Variants in VPS4A observed in about 807,000 individuals in gnomAD.
VPS4A encodes the protein vacuolar protein sorting 4 homolog A.
VPS4A carries 20 observed loss-of-function variants against 52.3 expected under a neutral mutation model. The observed-to-expected ratio is 0.38, with a 90% CI of 0.27 to 0.56. The LOEUF (loss-of-function observed/expected upper bound fraction) is 0.56. Among genes scored for constraint, VPS4A ranks in the 20% least tolerant of loss-of-function variants. The pLI is 0.72. For synonymous variants in VPS4A, 293 were observed against 227.7 expected (o/e 1.29, Z -2.58); for missense variants, 419 against 575.9 (o/e 0.73, Z 2.79).
At chr16:69,314,202 G>A (rs575340652) in intron 1 of VPS4A, among the ~76,000 whole-genome samples, 4 of 151,906 alleles carry the variant, frequency 2.6e-5, no homozygotes, top group East Asian at 3.9e-4. Context: ...CCTGACCTCC[G>A]GTGATCCGCC....
intron 3 of VPS4A, 88 bp downstream of exon 3, chr16:69,316,460 T>C (rs1201510399): frequency 6.5e-7 from 1 of 1,540,522 alleles, no homozygotes; most frequent in Non-Finnish European, 8.8e-7. Flanking sequence ...TGGACTTCCC[T>C]GTGGGAATGG....
rs1307739542 is a variant in VPS4A at position 69,322,630 on chromosome 16, A to G, written c.1142A>G (p.Asp381Gly). ...CTCCTGACTCCATGCTCACCAGGGG[A>G]CCCAGGAGCCATGGAGATGACTTGG... ...DDLLTPCSPG[D>G]PGAMEMTWMD... is the part of the protein sequence containing the mutation. The change falls in exon 10 of 11, where the codon GAC (aspartate) becomes GGC (glycine). Residue 381 changes from aspartate to glycine, a missense_variant. By Grantham distance (94) the Asp-to-Gly change is moderately conservative (BLOSUM62 -1). This residue lies in a region of VPS4A where 185 missense variants were observed against 200.2 expected (regional missense o/e 0.92). Coordinates refer to ENST00000254950, the MANE Select transcript of VPS4A (RefSeq NM_013245.3). The G allele has an allele frequency of 6.2e-7, 1 of 1,613,732 alleles. No individual in the cohort carries two copies. Among genetic ancestry groups the G allele is most frequent in the Non-Finnish European group, 8.5e-7 (1 of 1,179,858 alleles).
intron 10 of VPS4A, chr16:69,323,672 G>A (rs921444775): frequency 1.5e-4 from 67 of 455,590 alleles, no homozygotes; most frequent in Non-Finnish European, 2.6e-4. Context: ...GCTCCTGGCC[G>A]GGCGCCGTGG....
rs142967440 is a variant in VPS4A at position 69,323,565 on chromosome 16, A to G, written c.1213-643A>G. 2.0e-3 allele frequency: 910 copies of G among 448,558 alleles called. 5 individuals carry two copies. The highest frequency in any genetic ancestry group is 0.017 in the African/African-American group (868 of 49,892). 27.8% of individuals were successfully genotyped at this position (448,558 alleles called of 1,614,324 possible). A position where few individuals can be genotyped will look rare whatever the true frequency, so the allele number is the denominator to read the frequency against. Reference sequence around the variant, plus strand: ...AGTGAATGTGTCAAGACTGTGACGCAGTTGCAAAGGCAGCGCCTCACCTGC... The same window carrying G: ...AGTGAATGTGTCAAGACTGTGACGCGGTTGCAAAGGCAGCGCCTCACCTGC... On this transcript the variant is annotated intron_variant, in intron 10 of 10. Transcript: ENST00000254950.
At chr16:69,323,685 C>T (rs1160471849) in intron 10 of VPS4A, 4 of 455,322 alleles carry the variant, frequency 8.8e-6, no homozygotes, top group Non-Finnish European at 1.8e-5. Flanking sequence ...CGCCGTGGCT[C>T]CCGCCTGTAA....
chr16:69,325,511 G>A lies in VPS4A; in HGVS notation c.*1202G>A, dbSNP rs901817759. 2.6e-5 allele frequency: 4 copies of A among 151,666 alleles called. No individual in the cohort carries two copies. Among genetic ancestry groups the A allele is most frequent in the Admixed American group, 6.6e-5 (1 of 15,186 alleles). 9.4% of individuals were successfully genotyped at this position (151,666 alleles called of 1,614,324 possible). On this transcript the variant is annotated 3_prime_UTR_variant, in exon 11 of 11. Transcript: ENST00000254950. Reference sequence around the variant, plus strand: ...AGCACTTTGGGAGGCCGACGCGGGCGGATCACAAGGTCAGGAAATCGAGAA... The same window carrying A: ...AGCACTTTGGGAGGCCGACGCGGGCAGATCACAAGGTCAGGAAATCGAGAA...
chr16:69,313,110 C>A (rs1965397276), intron 1 of VPS4A, among the ~76,000 whole-genome samples: 1 of 151,906 alleles, frequency 6.6e-6, no homozygotes, highest in South Asian at 2.1e-4. Flanking sequence ...TCCCAAGTAG[C>A]TGGGATTACA....
chr16:69,317,897 A>G (rs28575228), intron 3 of VPS4A, among the ~76,000 whole-genome samples: 39,514 of 142,706 alleles, frequency 0.28, 5,639 homozygotes, highest in African/African-American at 0.36. Context: ...GGAGGCGGAG[A>G]TTGCAGTGAG....
chr16:69,320,940 C>A lies in VPS4A; in HGVS notation c.852-111C>A. On this transcript the variant is annotated intron_variant, in intron 8 of 10. Transcript: ENST00000254950. This position sits in a 1 kb window ranked among gnomAD's most constrained non-coding sequence, Gnocchi z 4.2. ...TGGCTTGTTGAGGATGTGCCGCCAG[C>A]ATCACTGGCCCATGAAATGCGTCCG... The A allele has an allele frequency of 8.0e-7, 1 of 1,253,030 alleles. No homozygotes were observed. The highest frequency in any genetic ancestry group is 1.1e-6 in the Non-Finnish European group (1 of 888,336). The allele number at this position is 1,253,030 out of a possible 1,614,324, so 77.6% of individuals were successfully genotyped here. A position where few individuals can be genotyped will look rare whatever the true frequency, so the allele number is the denominator to read the frequency against.
intron 5 of VPS4A, 98 bp downstream of exon 5, chr16:69,319,040 C>T (rs1045134614): frequency 1.1e-5 from 17 of 1,527,842 alleles, no homozygotes; most frequent in East Asian, 6.8e-5. Context: ...ACTCAGCCCC[C>T]GGGGCCTGCA....
chr16:69,314,890 T>C (rs760865716), intron 1 of VPS4A, among the ~76,000 whole-genome samples: 1 of 152,118 alleles, frequency 6.6e-6, no homozygotes, highest in African/African-American at 2.4e-5. Flanking sequence ...TCATGCTTCG[T>C]GCAGGCGTTG....
At chr16:69,315,924 G>T in intron 1 of VPS4A, 84 bp from the exon 2 acceptor site, 2 of 1,180,268 alleles carry the variant, frequency 1.7e-6, no homozygotes, top group South Asian at 2.7e-5. Flanking sequence ...GGCATCCCTC[G>T]TCACGTTTCA....
At position 69,322,423 on chromosome 16, in the gene VPS4A, A is replaced by C. The variant is rs539840406; in HGVS notation, c.1072-137A>C. 8 of 937,418 alleles carry C rather than the reference A, an allele frequency of 8.5e-6. No individual in the cohort carries two copies. In the East Asian group the frequency reaches 1.7e-4, roughly 20 times the overall value. 58.1% of individuals were successfully genotyped at this position (937,418 alleles called of 1,614,324 possible). A position where few individuals can be genotyped will look rare whatever the true frequency, so the allele number is the denominator to read the frequency against. ...TGAGTCGCTCGGACCACCCAGCCCG[A>C]GTTCTGAAGGAGCCCGTCCTCCTCA... On this transcript the variant is annotated intron_variant, in intron 9 of 10. Coordinates refer to ENST00000254950, the MANE Select transcript of VPS4A (RefSeq NM_013245.3).
Position 69,321,448 on chromosome 16 carries a change from C to G in VPS4A, c.1071+178C>G, listed in dbSNP as rs1317741165. The stretch of plus-strand genomic sequence containing the variant: ...TGCACCCACTGTCCCCTCCCTGCAG[C>G]TCTTCTGGAGTGTGGCCATCTCAGG... On this transcript the variant is annotated intron_variant, in intron 9 of 10. Coordinates refer to ENST00000254950, the MANE Select transcript of VPS4A (RefSeq NM_013245.3). The surrounding 1 kb of genome is among the most constrained non-coding windows in gnomAD (Gnocchi z 4.5). The G allele has an allele frequency of 7.4e-6, 5 of 675,304 alleles. No individual in the cohort carries two copies. The highest frequency in any genetic ancestry group is 5.7e-5 in the South Asian group (3 of 52,346). 41.8% of individuals were successfully genotyped at this position (675,304 alleles called of 1,614,324 possible).
At chr16:69,322,792 AG>A in intron 10 of VPS4A, 92 bp downstream of exon 10, 1 of 1,485,528 alleles carries the variant, frequency 6.7e-7, no homozygotes, top group East Asian at 2.3e-5. Flanking sequence ...TCTCCAGGCC[AG>A]GCATGGTAGC....
In VPS4A at chr16:69,316,354, A is replaced by C. The variant is rs373232218; in HGVS notation, c.263A>C (p.Asn88Thr). 1.9e-6 allele frequency: 3 copies of C among 1,613,702 alleles called. No homozygotes were observed. The highest frequency in any genetic ancestry group is 2.5e-6 in the Non-Finnish European group (3 of 1,179,850). ...CACGGCAAGAAGCCAGTCAAAGAGA[A>C]CCAGAGTGAGGGCAAGGGGTGAGTG... is the stretch of plus-strand genomic sequence containing the variant. The part of the protein sequence containing the change: ...EKHGKKPVKE[N>T]QSEGKGSDSD... The change falls in exon 3 of 11, where the codon AAC becomes ACC. Residue 88 changes from asparagine to threonine, a missense_variant. Asn to Thr is a moderately conservative substitution (Grantham distance 65). Coordinates refer to ENST00000254950, the MANE Select transcript of VPS4A (RefSeq NM_013245.3).
At position 69,324,505 on chromosome 16, in the gene VPS4A, C is replaced by T; in HGVS notation, c.*196C>T. ...AGAGACACTCCACTGCCCTGGGGCA[C>T]ACAGTGGACACTGCTCTTCCTACTT... is the stretch of plus-strand genomic sequence containing the variant. On this transcript the variant is annotated 3_prime_UTR_variant, in exon 11 of 11. Coordinates refer to ENST00000254950, the MANE Select transcript of VPS4A (RefSeq NM_013245.3). The T allele has an allele frequency of 3.4e-6, 2 of 596,234 alleles. No individual in the cohort carries two copies. Among genetic ancestry groups the T allele is most frequent in the East Asian group, 2.8e-5 (1 of 35,188 alleles). 36.9% of individuals were successfully genotyped at this position (596,234 alleles called of 1,614,324 possible).
At chr16:69,317,827 C>T (rs939554835) in intron 3 of VPS4A, among the ~76,000 whole-genome samples, 1 of 151,798 alleles carries the variant, frequency 6.6e-6, no homozygotes, top group Non-Finnish European at 1.5e-5. Flanking sequence ...TGGCATGTGC[C>T]TGTAATCCCA....
At chr16:69,322,336 G>C (rs991393828) in intron 9 of VPS4A, 2 of 450,822 alleles carry the variant, frequency 4.4e-6, no homozygotes, top group Non-Finnish European at 3.9e-6. Context: ...AGACGTGACA[G>C]TGTTAATGAG....
Sources: gnomAD v4.1 joint callset for allele counts (sites outside exome capture counted in the v4.1 genomes callset) on GRCh38, gnomAD v4.1.1 for gene constraint, gnomAD v4.1.1 regional missense constraint, Gnocchi (gnomAD v3.1) non-coding constraint, MANE v1.5 for transcripts, NCBI Gene and HGNC (gene_info 2026-07-23, HGNC 2026-07-21) for gene names.